JPH3: variants seen among roughly 807,000 people sequenced by gnomAD.
JPH3 encodes junctophilin 3.
JPH3 carries 11 observed loss-of-function variants against 59.6 expected under a neutral mutation model. The ratio of observed to expected loss-of-function variants is 0.18; its 90% CI spans 0.12 to 0.31. JPH3 has a LOEUF of 0.31. Ranked by LOEUF, JPH3 falls within the 10% of genes least tolerant of loss-of-function variation. The probability of loss-of-function intolerance (pLI) is 1.00; values close to 1 mark genes in which losing one functional copy is unlikely to be tolerated. For synonymous variants in JPH3, 673 were observed against 483.6 expected (o/e 1.39, Z -5.14); for missense variants, 1,202 against 1,105.7 (o/e 1.09, Z -1.24).
At chr16:87,656,713 C>T (rs2032513987) in intron 2 of JPH3, among the ~76,000 whole-genome samples, 1 of 152,166 alleles carries the variant, frequency 6.6e-6, no homozygotes, top group South Asian at 2.1e-4. Context: ...CCCCTACGTG[C>T]CATGGGCATG....
chr16:87,653,332 C>T (rs887521318), intron 2 of JPH3, among the ~76,000 whole-genome samples: 1 of 152,292 alleles, frequency 6.6e-6, no homozygotes, highest in South Asian at 2.1e-4. Context: ...CCCTGCCTGT[C>T]CCCGCTCTGC....
chr16:87,664,928 G>T (rs539439329), intron 2 of JPH3, among the ~76,000 whole-genome samples: 1 of 152,322 alleles, frequency 6.6e-6, no homozygotes, highest in Non-Finnish European at 1.5e-5. Context: ...CCTGGCCCCT[G>T]CCCAGCGCAT....
intron 2 of JPH3, among the ~76,000 whole-genome samples, chr16:87,665,396 G>A (rs1184489202): frequency 7.2e-5 from 11 of 152,230 alleles, no homozygotes; most frequent in South Asian, 4.1e-4. Flanking sequence ...GCCCAGCCCC[G>A]CTGTGACCTG....
chr16:87,668,056 G>A (rs1044126908), intron 2 of JPH3, among the ~76,000 whole-genome samples: 1 of 152,182 alleles, frequency 6.6e-6, no homozygotes, highest in African/African-American at 2.4e-5. Context: ...TTTGCCCTGG[G>A]GATCCCGCAT....
At position 87,611,623 on chromosome 16, in the gene JPH3, G is replaced by T. The variant is rs993244604; in HGVS notation, c.382+8095G>T. ...CTGCTGGTGGAGTCTGAGTTGGGCA[G>T]GACATGGGCCCGCCTCTGTCTGCTG... is the stretch of plus-strand genomic sequence containing the variant. On this transcript the variant is annotated intron_variant, in intron 1 of 4. Coordinates refer to ENST00000284262, the MANE Select transcript of JPH3 (RefSeq NM_020655.4). This position sits in a 1 kb window ranked among gnomAD's most constrained non-coding sequence, Gnocchi z 4.5. Among the ~76,000 whole-genome samples the T allele has an allele frequency of 6.6e-6, 1 of 152,128 alleles. No individual in the cohort carries two copies. The highest frequency in any genetic ancestry group is 6.5e-5 in the Admixed American group (1 of 15,282).
intron 2 of JPH3, among the ~76,000 whole-genome samples, chr16:87,655,334 A>C (rs574528332): frequency 6.7e-6 from 1 of 150,246 alleles, no homozygotes; most frequent in Non-Finnish European, 1.5e-5. Context: ...CAAAACAAAT[A>C]ATTTTATTTT....
intron 2 of JPH3, among the ~76,000 whole-genome samples, chr16:87,681,839 G>T (rs1355695291): frequency 3.3e-5 from 5 of 152,208 alleles, no homozygotes; most frequent in African/African-American, 4.8e-5. Context: ...TTTCGGGCAG[G>T]TGCTGGGATG....
chr16:87,627,405 C>T (rs2031416786), intron 1 of JPH3, among the ~76,000 whole-genome samples: 1 of 152,232 alleles, frequency 6.6e-6, no homozygotes. Context: ...TCTGCATGCT[C>T]ACAGGTTAGA....
intron 2 of JPH3, among the ~76,000 whole-genome samples, chr16:87,659,016 G>A (rs576051514): frequency 1.3e-5 from 2 of 152,338 alleles, no homozygotes; most frequent in East Asian, 3.9e-4. Flanking sequence ...CACTTAGTCT[G>A]GGACAGCTGC....
At chr16:87,631,476 A>G (rs55894748) in intron 1 of JPH3, among the ~76,000 whole-genome samples, 38,432 of 151,944 alleles carry the variant, frequency 0.25, 5,320 homozygotes, top group African/African-American at 0.36. Context: ...TCTGATTCTC[A>G]GTCCTTCATT....
Position 87,604,287 on chromosome 16 carries a change from CCTGCTGCTGCTGCTGCTGCTGCTGCTG to C in JPH3, c.382+775_382+801del, listed in dbSNP as rs71156237. On this transcript the variant is annotated intron_variant, in intron 1 of 4. Coordinates refer to ENST00000284262, the MANE Select transcript of JPH3 (RefSeq NM_020655.4). ...GCCGGGGCCGGAAGCCAGGGAGCTG[CCTGCTGCTGCTGCTGCTGCTGCTGCTG>C]CTGCTGCTGCTGCTGTAAGATGGTT... is the stretch of plus-strand genomic sequence containing the variant. 155 of 1,432,906 alleles carry C rather than the reference CCTGCTGCTGCTGCTGCTGCTGCTGCTG, an allele frequency of 1.1e-4. No individual in the cohort carries two copies. In the African/African-American group the frequency reaches 1.4e-3, roughly 13 times the overall value. The allele number at this position is 1,432,906 out of a possible 1,614,324, so 88.8% of individuals were successfully genotyped here.
Position 87,677,185 on chromosome 16 carries a change from T to TATACACACACACACAC in JPH3, c.1161-6956_1161-6955insTACACACACACACACA, listed in dbSNP as rs1491266129. The stretch of plus-strand genomic sequence containing the variant: ...CACACACACACGCACTATATATATA[T>TATACACACACACACAC]ACACACACACACACACACACACACA... On this transcript the variant is annotated intron_variant, in intron 2 of 4. Coordinates refer to ENST00000284262, the MANE Select transcript of JPH3 (RefSeq NM_020655.4). 5.0e-3 allele frequency among the ~76,000 whole-genome samples: 471 copies of TATACACACACACACAC among 95,076 alleles called. 6 individuals are homozygous for TATACACACACACACAC. Among genetic ancestry groups the TATACACACACACACAC allele is most frequent in the East Asian group, 6.0e-3 (19 of 3,190 alleles). 62.4% of individuals were successfully genotyped at this position (95,076 alleles called of 152,430 possible). A position where few individuals can be genotyped will look rare whatever the true frequency, so the allele number is the denominator to read the frequency against.
In JPH3 at chr16:87,644,213, C is replaced by A. The variant is rs556014526; in HGVS notation, c.383-45C>A. 2.6e-6 allele frequency: 4 copies of A among 1,552,580 alleles called. No homozygotes were observed. In the African/African-American group the frequency reaches 4.1e-5, roughly 16 times the overall value. ...CCTGTCCGTGGCCAGGCTGTGCCCC[C>A]TCCTCTGTCGCTGGGCACTCACCCC... On this transcript the variant is annotated intron_variant, in intron 1 of 4. Coordinates refer to ENST00000284262, the MANE Select transcript of JPH3 (RefSeq NM_020655.4).
At chr16:87,687,608 C>G (rs573261668) in intron 3 of JPH3, among the ~76,000 whole-genome samples, 2 of 151,706 alleles carry the variant, frequency 1.3e-5, no homozygotes, top group South Asian at 4.1e-4. Flanking sequence ...GGCTGCAGGA[C>G]GCAGGTGGCT....
rs146614596 is a variant in JPH3 at position 87,630,959 on chromosome 16, A to G, written c.383-13299A>G. Among the ~76,000 whole-genome samples the G allele has an allele frequency of 1.4e-4, 22 of 152,304 alleles. No homozygotes were observed. The East Asian group carries it at 3.9e-3, about 27-fold the overall frequency. ...AGTATTGCTTACTGCTGAGCCAGGC[A>G]ATGGAGTCTGATTCTGTACACTTCT... On this transcript the variant is annotated intron_variant, in intron 1 of 4. Coordinates refer to ENST00000284262, the MANE Select transcript of JPH3 (RefSeq NM_020655.4).
At chr16:87,654,106 C>G (rs1025983954) in intron 2 of JPH3, 3 of 152,322 alleles carry the variant, frequency 2.0e-5, no homozygotes, top group Admixed American at 2.0e-4. Flanking sequence ...GGCTGATATT[C>G]TGCACATCTG....
chr16:87,690,816 C>G (rs1355499294), intron 4 of JPH3, among the ~76,000 whole-genome samples: 1 of 152,240 alleles, frequency 6.6e-6, no homozygotes, highest in African/African-American at 2.4e-5. Flanking sequence ...CTGCGCTCCC[C>G]GCAACGTGCT....
intron 2 of JPH3, among the ~76,000 whole-genome samples, chr16:87,647,790 G>A (rs540240864): frequency 3.3e-5 from 5 of 152,318 alleles, no homozygotes; most frequent in South Asian, 4.1e-4. Context: ...GCACAGGTGC[G>A]CCTAGGTGGA....
intron 1 of JPH3, among the ~76,000 whole-genome samples, chr16:87,627,959 G>A (rs2031438642): frequency 6.6e-6 from 1 of 152,260 alleles, no homozygotes; most frequent in African/African-American, 2.4e-5. Context: ...CCACCTCCTG[G>A]GTGAGCGTTC....
Sources: gnomAD v4.1 joint callset for allele counts (sites outside exome capture counted in the v4.1 genomes callset) on GRCh38, gnomAD v4.1.1 for gene constraint, Gnocchi (gnomAD v3.1) non-coding constraint, MANE v1.5 for transcripts, NCBI Gene and HGNC (gene_info 2026-07-23, HGNC 2026-07-21) for gene names.